Variants in PROSER2 observed in about 807,000 individuals in gnomAD.
PROSER2 encodes proline and serine rich 2.
In PROSER2, 18 loss-of-function variants were observed where a neutral mutation model predicts 14.6. The ratio of observed to expected loss-of-function variants is 1.23; its 90% CI spans 0.85 to 1.83. The LOEUF (loss-of-function observed/expected upper bound fraction) is 1.83, where lower values mean the gene tolerates loss of function less well. Among genes scored for constraint, PROSER2 ranks in the 40% most tolerant of loss-of-function variants. The probability of loss-of-function intolerance (pLI) is 0.00; values close to 1 mark genes in which losing one functional copy is unlikely to be tolerated. For synonymous variants in PROSER2, 367 were observed against 286.4 expected, an observed-to-expected ratio of 1.28 and a Z score of -2.84; for missense variants, 823 against 629.8, an observed-to-expected ratio of 1.31 and a Z score of -3.28.
At chr10:11,863,871 T>C (rs1002092384) in intron 2 of PROSER2, among the ~76,000 whole-genome samples, 3 of 152,208 alleles carry the variant, frequency 2.0e-5, no homozygotes, top group Admixed American at 1.3e-4. Context: ...TGGTTGCTCA[T>C]GGTTTCGGTT....
At chr10:11,833,235 CTTTTTTTTT>C (rs5783233) in intron 1 of PROSER2, among the ~76,000 whole-genome samples, 1 of 87,668 alleles carries the variant, frequency 1.1e-5, no homozygotes, top group Non-Finnish European at 2.0e-5. Flanking sequence ...AATGTTGTGG[CTTTTTTTTT>C]TTTTTTTTTT....
rs1833670214 is a variant in PROSER2 at position 11,830,002 on chromosome 10, C to A, written c.-82+6532C>A. The stretch of plus-strand genomic sequence containing the variant: ...GGGACTACAGGCGTGTGCCCCCATG[C>A]CTGGCTAATTTTTGCATTTTAGTAG... On this transcript the variant is annotated intron_variant, in intron 1 of 3. Coordinates refer to ENST00000277570, the MANE Select transcript of PROSER2 (RefSeq NM_153256.4). This position sits in a 1 kb window ranked among gnomAD's most constrained non-coding sequence, Gnocchi z 4.5. Among the ~76,000 whole-genome samples the A allele has an allele frequency of 6.6e-6, 1 of 151,976 alleles. No individual in the cohort carries two copies. The highest frequency in any genetic ancestry group is 1.5e-5 in the Non-Finnish European group (1 of 67,996).
chr10:11,841,845 A>C (rs1336427336), intron 1 of PROSER2, among the ~76,000 whole-genome samples: 7 of 152,204 alleles, frequency 4.6e-5, no homozygotes, highest in Admixed American at 1.3e-4. Context: ...TGTATTGTGA[A>C]GCTGTTGCGT....
chr10:11,858,782 G>A (rs1039683959), intron 2 of PROSER2, among the ~76,000 whole-genome samples: 1 of 151,924 alleles, frequency 6.6e-6, no homozygotes, highest in South Asian at 2.1e-4. Flanking sequence ...AGGCCGAGGC[G>A]GGTAGATCAC....
intron 1 of PROSER2, among the ~76,000 whole-genome samples, chr10:11,839,379 A>G (rs965244750): frequency 2.7e-5 from 4 of 149,310 alleles, no homozygotes; most frequent in African/African-American, 1.0e-4. Flanking sequence ...TCAACTACAT[A>G]AAAATAAATT....
chr10:11,870,191 T>C lies in PROSER2; in HGVS notation c.1093T>C (p.Ser365Pro), dbSNP rs1256907954. 23 of 1,487,146 alleles carry C rather than the reference T, an allele frequency of 1.5e-5. No individual in the cohort carries two copies. The African/African-American group carries it at 2.4e-4, about 15-fold the overall frequency. 92.1% of individuals were successfully genotyped at this position (1,487,146 alleles called of 1,614,324 possible). ...APSSFAPAGK[S>P]LCFRPGPALP... ...CAGCTCCTTCGCGCCCGCTGGGAAG[T>C]CCCTCTGCTTCCGCCCTGGCCCGGC... The change falls in exon 4 of 4, where the codon TCC becomes CCC. Residue 365 changes from serine (S) to proline (P), a missense_variant. By Grantham distance (74) the Ser-to-Pro change is moderately conservative. Coordinates refer to ENST00000277570, the MANE Select transcript of PROSER2 (RefSeq NM_153256.4).
In PROSER2 at chr10:11,869,550, AC is replaced by A. The variant is rs760558594; in HGVS notation, c.458del (p.Pro153ArgfsTer200). 7 of 1,611,258 alleles carry A rather than the reference AC, an allele frequency of 4.3e-6. No individual in the cohort carries two copies. Among genetic ancestry groups the A allele is most frequent in the South Asian group, 3.3e-5 (3 of 90,944 alleles). On this transcript the variant is annotated frameshift_variant, in exon 4 of 4. Coordinates refer to ENST00000277570, the MANE Select transcript of PROSER2 (RefSeq NM_153256.4). LOFTEE classifies it low-confidence loss of function (END_TRUNC). The surrounding 1 kb of genome is among the most constrained non-coding windows in gnomAD (Gnocchi z 4.4). ...GATGCTGAGACTCCTCCACCTCCAGACCCCCCGGCTCCCGAGACCCTTCTTG... is the reference window on the plus strand; with the variant it reads ...GATGCTGAGACTCCTCCACCTCCAGACCCCCGGCTCCCGAGACCCTTCTTG... ...KQDAETPPPP[D>X]PPAPETLLAP...
chr10:11,860,728 C>T (rs180836709), intron 2 of PROSER2, among the ~76,000 whole-genome samples: 2 of 152,118 alleles, frequency 1.3e-5, no homozygotes, highest in African/African-American at 2.4e-5. Flanking sequence ...ATGTATGAGG[C>T]CTGCGTGGGG....
intron 1 of PROSER2, among the ~76,000 whole-genome samples, chr10:11,841,923 G>C (rs2031382): frequency 1.8e-3 from 272 of 152,288 alleles, no homozygotes; most frequent in Middle Eastern, 0.017. Context: ...TGTATTCTCA[G>C]GCTTGATAAA....
At position 11,865,274 on chromosome 10, in the gene PROSER2, G is replaced by A. The variant is rs369123181; in HGVS notation, c.139-1257G>A. Among the ~76,000 whole-genome samples the A allele has an allele frequency of 3.3e-5, 5 of 150,426 alleles. No homozygotes were observed. In the East Asian group the frequency reaches 5.9e-4, roughly 18 times the overall value. On this transcript the variant is annotated intron_variant, in intron 2 of 3. Coordinates refer to ENST00000277570, the MANE Select transcript of PROSER2 (RefSeq NM_153256.4). This position sits in a 1 kb window ranked among gnomAD's most constrained non-coding sequence, Gnocchi z 4.2. ...ATTTAGTTTTTCATTTTTTTGTGCTGTTAGTATTTTTTATTTATTTCTAAG... is the reference window on the plus strand; with the variant it reads ...ATTTAGTTTTTCATTTTTTTGTGCTATTAGTATTTTTTATTTATTTCTAAG...
chr10:11,840,906 C>A, intron 1 of PROSER2, among the ~76,000 whole-genome samples: 1 of 114,710 alleles, frequency 8.7e-6, no homozygotes, highest in African/African-American at 3.4e-5. Context: ...GCCTGGGCGT[C>A]AGAGTGAGAC....
chr10:11,840,379 C>T (rs1261502773), intron 1 of PROSER2, among the ~76,000 whole-genome samples: 6 of 151,970 alleles, frequency 3.9e-5, no homozygotes, highest in Non-Finnish European at 8.8e-5. Flanking sequence ...CTTCTTTCAT[C>T]ATCTATTGAG....
At position 11,825,631 on chromosome 10, in the gene PROSER2, C is replaced by T. The variant is rs546484573; in HGVS notation, c.-82+2161C>T. 2.0e-5 allele frequency among the ~76,000 whole-genome samples: 3 copies of T among 152,326 alleles called. No individual in the cohort carries two copies. The East Asian group carries it at 5.8e-4, about 29-fold the overall frequency. On this transcript the variant is annotated intron_variant, in intron 1 of 3. Coordinates refer to ENST00000277570, the MANE Select transcript of PROSER2 (RefSeq NM_153256.4). ...GAACTCACAGTGAAGGTGCCGCTTT[C>T]CATAATGCCCTTGTCCCCTTTCTAG...
Position 11,866,464 on chromosome 10 carries a change from A to G in PROSER2, c.139-67A>G. On this transcript the variant is annotated intron_variant, in intron 2 of 3. Coordinates refer to ENST00000277570, the MANE Select transcript of PROSER2 (RefSeq NM_153256.4). The surrounding 1 kb of genome is among the most constrained non-coding windows in gnomAD (Gnocchi z 6.0). ...TGTGGACCAATCCCAACTTTGCTTCAGCTTTTGTCTCTTTAGTGAAGCCAG... is the reference window on the plus strand; with the variant it reads ...TGTGGACCAATCCCAACTTTGCTTCGGCTTTTGTCTCTTTAGTGAAGCCAG... The G allele has an allele frequency of 6.3e-7, 1 of 1,580,816 alleles. No individual in the cohort carries two copies. Among genetic ancestry groups the G allele is most frequent in the Non-Finnish European group, 8.6e-7 (1 of 1,161,588 alleles).
intron 1 of PROSER2, among the ~76,000 whole-genome samples, chr10:11,839,164 A>T (rs112572334): frequency 1.3e-5 from 2 of 152,230 alleles, no homozygotes; most frequent in Non-Finnish European, 2.9e-5. Flanking sequence ...GAGCTGTCGG[A>T]TAACCTTCTT....
At chr10:11,864,945 ATCTTT>A (rs1834317426) in intron 2 of PROSER2, among the ~76,000 whole-genome samples, 1 of 152,054 alleles carries the variant, frequency 6.6e-6, no homozygotes, top group South Asian at 2.1e-4. Flanking sequence ...AGCTTTCCAG[ATCTTT>A]TCTTGGCTTT....
rs1442268045 is a variant in PROSER2 at position 11,865,541 on chromosome 10, G to A, written c.139-990G>A. 3.3e-5 allele frequency among the ~76,000 whole-genome samples: 5 copies of A among 152,128 alleles called. No individual in the cohort carries two copies. Among genetic ancestry groups the A allele is most frequent in the Admixed American group, 6.5e-5 (1 of 15,276 alleles). On this transcript the variant is annotated intron_variant, in intron 2 of 3. Transcript: ENST00000277570. The surrounding 1 kb of genome is among the most constrained non-coding windows in gnomAD (Gnocchi z 4.2). ...GAGTAGGACAGTAAGAAACTGCTGC[G>A]CAGTTCTACACTGGGATTCGTTGAC...
chr10:11,868,991 C>T (rs1475433311), intron 3 of PROSER2, among the ~76,000 whole-genome samples: 1 of 152,184 alleles, frequency 6.6e-6, no homozygotes, highest in Non-Finnish European at 1.5e-5. Flanking sequence ...TACAGCAGTG[C>T]CAGGTGATCT....
chr10:11,848,837 TC>T (rs1434985752), intron 1 of PROSER2, among the ~76,000 whole-genome samples: 1 of 152,218 alleles, frequency 6.6e-6, no homozygotes, highest in Non-Finnish European at 1.5e-5. Flanking sequence ...CTTTGTTGAT[TC>T]TTTTTTCTGT....
Sources: allele counts gnomAD v4.1 joint callset (sites outside exome capture counted in the v4.1 genomes callset), GRCh38; gene constraint gnomAD v4.1.1; non-coding constraint Gnocchi (gnomAD v3.1); transcripts MANE v1.5; gene names NCBI Gene and HGNC (gene_info 2026-07-23, HGNC 2026-07-21).